IL23R: variants seen among roughly 807,000 people sequenced by gnomAD.
The protein encoded by IL23R is interleukin-23 receptor.
IL23R carries 34 observed loss-of-function variants against 56.9 expected under a neutral mutation model. The ratio of observed to expected loss-of-function variants is 0.60; its 90% CI spans 0.45 to 0.80. The LOEUF (loss-of-function observed/expected upper bound fraction) is 0.80. Among genes scored for constraint, IL23R ranks in the 30% least tolerant of loss-of-function variants. IL23R has a pLI of 0.00. For missense variants in IL23R, 635 were observed against 730.0 expected, an observed-to-expected ratio of 0.87 and a Z score of 1.50; for synonymous variants, 230 against 249.2, an observed-to-expected ratio of 0.92 and a Z score of 0.73.
chr1:67,174,727 T>C (rs1263069548), intron 3 of IL23R, among the ~76,000 whole-genome samples: 1 of 152,168 alleles, frequency 6.6e-6, no homozygotes, highest in Non-Finnish European at 1.5e-5. Flanking sequence ...ATTCTAGGTG[T>C]CATTCTATAG....
At chr1:67,263,575 G>C (rs564954401), downstream of IL23R, among the ~76,000 whole-genome samples, 1 of 152,184 alleles carries the variant, frequency 6.6e-6, no homozygotes, top group Admixed American at 6.5e-5. Flanking sequence ...TTGAGCAAAA[G>C]TTTTCAAAAA....
intron 5 of IL23R, among the ~76,000 whole-genome samples, chr1:67,205,903 CTTTCTTTCTTTCTTTCTTTCTTT>C (rs1558242901): frequency 1.6e-5 from 2 of 123,490 alleles, no homozygotes; most frequent in African/African-American, 5.4e-5. Flanking sequence ...TTCTTTCTTT[CTTTCTTTCTTTCTTTCTTTCTTT>C]TTCTTTCTTT....
chr1:67,189,740 T>C (rs1293010432), intron 4 of IL23R, among the ~76,000 whole-genome samples: 1 of 150,964 alleles, frequency 6.6e-6, no homozygotes, highest in Non-Finnish European at 1.5e-5. Context: ...AGCTCAGGAG[T>C]TTGAGACCAA....
rs138739400 is a variant in IL23R at position 67,185,738 on chromosome 1, T to TA, written c.491+2780dup. Among the ~76,000 whole-genome samples the TA allele has an allele frequency of 7.9e-3, 1,202 of 152,326 alleles. 20 individuals carry two copies. Among genetic ancestry groups the TA allele is most frequent in the African/African-American group, 0.028 (1,153 of 41,570 alleles). The stretch of plus-strand genomic sequence containing the variant: ...CATTGCCAGGCCTAGAGTTACCAGC[T>TA]ACATGCCATTGGCAAGAGGCGTACA... On this transcript the variant is annotated intron_variant, in intron 4 of 10. Coordinates refer to ENST00000347310, the MANE Select transcript of IL23R (RefSeq NM_144701.3).
At chr1:67,247,359 C>T (rs1159532796) in intron 9 of IL23R, among the ~76,000 whole-genome samples, 6 of 151,184 alleles carry the variant, frequency 4.0e-5, no homozygotes, top group Non-Finnish European at 5.9e-5. Flanking sequence ...GACTGGAGTG[C>T]AATGGCACGA....
At chr1:67,180,269 T>C (rs1184196186) in intron 3 of IL23R, among the ~76,000 whole-genome samples, 1 of 152,184 alleles carries the variant, frequency 6.6e-6, no homozygotes, top group East Asian at 1.9e-4. Flanking sequence ...TCTTTGTAGG[T>C]CTCTAAGGAC....
upstream of IL23R, among the ~76,000 whole-genome samples, chr1:67,164,828 A>AT (rs1003293911): frequency 1.2e-4 from 18 of 151,408 alleles, no homozygotes; most frequent in East Asian, 5.8e-4. Context: ...ACCTGAATAG[A>AT]TTTTTTTTTC....
chr1:67,150,302 G>A (rs1219437773), intron 1 of IL23R, among the ~76,000 whole-genome samples: 3 of 128,054 alleles, frequency 2.3e-5, no homozygotes, highest in Non-Finnish European at 4.7e-5. Context: ...TGTGCAGGAT[G>A]TGCAGGTTCA....
At chr1:67,174,181 T>C (rs1453150793) in intron 3 of IL23R, among the ~76,000 whole-genome samples, 1 of 152,112 alleles carries the variant, frequency 6.6e-6, no homozygotes, top group Non-Finnish European at 1.5e-5. Flanking sequence ...AGATGTATAA[T>C]TGCTGAGTTG....
At chr1:67,162,852 G>A (rs551856675), upstream of IL23R, among the ~76,000 whole-genome samples, 10 of 152,220 alleles carry the variant, frequency 6.6e-5, no homozygotes, top group South Asian at 2.1e-4. Context: ...TGTGAACCCC[G>A]GCTCATTTTC....
chr1:67,139,915 C>T (rs370790489), intron 1 of IL23R, among the ~76,000 whole-genome samples: 1 of 152,070 alleles, frequency 6.6e-6, no homozygotes, highest in African/African-American at 2.4e-5. Context: ...TATGGGTTAA[C>T]AGATTAATGG....
chr1:67,156,706 G>T (rs1272696802), intron 1 of IL23R, among the ~76,000 whole-genome samples: 1 of 152,168 alleles, frequency 6.6e-6, no homozygotes, highest in Non-Finnish European at 1.5e-5. Flanking sequence ...TGTTGTAATG[G>T]CAGTGAGAAT....
intron 9 of IL23R, among the ~76,000 whole-genome samples, chr1:67,243,212 A>C (rs1261689419): frequency 2.0e-5 from 3 of 152,156 alleles, no homozygotes; most frequent in African/African-American, 7.2e-5. Flanking sequence ...AGCACTGATA[A>C]CTGATGGGTT....
chr1:67,229,894 T>C (rs1650985092), intron 7 of IL23R, among the ~76,000 whole-genome samples: 1 of 152,198 alleles, frequency 6.6e-6, no homozygotes, highest in African/African-American at 2.4e-5. Flanking sequence ...CTAGTCAGGA[T>C]GATTAGGTGT....
chr1:67,246,645 G>A (rs1165048309), intron 9 of IL23R, among the ~76,000 whole-genome samples: 1 of 152,146 alleles, frequency 6.6e-6, no homozygotes, highest in African/African-American at 2.4e-5. Flanking sequence ...TTAATCCTGA[G>A]TTCTAATTTG....
intron 1 of IL23R, among the ~76,000 whole-genome samples, chr1:67,160,728 C>T (rs1018240559): frequency 6.6e-6 from 1 of 152,090 alleles, no homozygotes; most frequent in Non-Finnish European, 1.5e-5. Context: ...GTCACCTAGG[C>T]TGGAGTGCAG....
Position 67,178,020 on chromosome 1 carries a change from G to A in IL23R, c.368-4816G>A, listed in dbSNP as rs535635604. Among the ~76,000 whole-genome samples the A allele has an allele frequency of 7.2e-5, 11 of 151,866 alleles. No individual in the cohort carries two copies. In the East Asian group the frequency reaches 1.7e-3, roughly 24 times the overall value. ...GTATCCTGCTGTTTTTGTTACTGTA[G>A]CCTTGTAGTATAGTTTGAAGTCAGG... On this transcript the variant is annotated intron_variant, in intron 3 of 10. Coordinates refer to ENST00000347310, the MANE Select transcript of IL23R (RefSeq NM_144701.3).
chr1:67,261,312 T>G (rs1386506525), downstream of IL23R, among the ~76,000 whole-genome samples: 3 of 148,200 alleles, frequency 2.0e-5, no homozygotes, highest in African/African-American at 7.8e-5. Context: ...TCATCAGAAA[T>G]TTATCTTTTT....
intron 7 of IL23R, among the ~76,000 whole-genome samples, chr1:67,232,580 C>A (rs2100294345): frequency 6.6e-6 from 1 of 152,294 alleles, no homozygotes; most frequent in South Asian, 2.1e-4. Context: ...CCTTTCTACT[C>A]TTTTGTTTCC....
Sources: gnomAD v4.1 joint callset for allele counts (sites outside exome capture counted in the v4.1 genomes callset) on GRCh38, gnomAD v4.1.1 for gene constraint, MANE v1.5 for transcripts, NCBI Gene and HGNC (gene_info 2026-07-23, HGNC 2026-07-21) for gene names.